DEFB108B: variants seen among roughly 807,000 people sequenced by gnomAD.
DEFB108B encodes the protein defensin beta 108B, also known as beta-defensin 108B.
In DEFB108B, 3 loss-of-function variants were observed where a neutral mutation model predicts 2.4. The ratio of observed to expected loss-of-function variants is 1.25; its 90% CI spans 0.57 to 3.24. DEFB108B has a LOEUF of 3.24. Among genes scored for constraint, DEFB108B ranks in the 30% most tolerant of loss-of-function variants. The pLI is 0.03. For synonymous variants in DEFB108B, 25 were observed against 28.7 expected, an observed-to-expected ratio of 0.87 and a Z score of 0.41; for missense variants, 101 against 87.8, an observed-to-expected ratio of 1.15 and a Z score of -0.60.
chr11:71,834,473 A>C (rs1952202153), intron 1 of DEFB108B, among the ~76,000 whole-genome samples: 1 of 152,234 alleles, frequency 6.6e-6, no homozygotes, highest in Non-Finnish European at 1.5e-5. Context: ...TTGGATAAAC[A>C]AATTTTTTTT....
At chr11:71,833,353 G>A in intron 1 of DEFB108B, 96 bp downstream of exon 1, 2 of 1,540,044 alleles carry the variant, frequency 1.3e-6, no homozygotes. Flanking sequence ...CAGAAAAGGG[G>A]GTCTCATAGG....
At chr11:71,836,910 AC>A (rs973703401) in intron 1 of DEFB108B, 1 of 152,054 alleles carries the variant, frequency 6.6e-6, no homozygotes, top group Admixed American at 6.6e-5. Context: ...TTTGAAAGAT[AC>A]ATCTATTATA....
intron 1 of DEFB108B, among the ~76,000 whole-genome samples, chr11:71,836,129 A>G (rs1480949717): frequency 6.6e-6 from 1 of 152,190 alleles, no homozygotes; most frequent in African/African-American, 2.4e-5. Context: ...CTACTTACAG[A>G]TAAAAGGAAG....
chr11:71,835,984 A>T (rs1259368117), intron 1 of DEFB108B, among the ~76,000 whole-genome samples: 1 of 152,174 alleles, frequency 6.6e-6, no homozygotes, highest in Non-Finnish European at 1.5e-5. Flanking sequence ...TTCAAGAGTG[A>T]TTTATCACAT....
chr11:71,837,628 T>C lies in DEFB108B; in HGVS notation c.*66T>C. The C allele has an allele frequency of 6.5e-7, 1 of 1,537,812 alleles. No homozygotes were observed. The highest frequency in any genetic ancestry group is 8.7e-7 in the Non-Finnish European group (1 of 1,144,200). On this transcript the variant is annotated 3_prime_UTR_variant, in exon 2 of 2. Coordinates refer to ENST00000328698, the MANE Select transcript of DEFB108B (RefSeq NM_001002035.2). Reference sequence around the variant, plus strand: ...CTCTCCCTCTCTCTGTCTCCCTGTCTCCCTTTCCCTCTCTCCATTTTTCTC... The same window carrying C: ...CTCTCCCTCTCTCTGTCTCCCTGTCCCCCTTTCCCTCTCTCCATTTTTCTC...
chr11:71,834,759 A>T (rs922250196), intron 1 of DEFB108B: 2 of 152,232 alleles, frequency 1.3e-5, no homozygotes, highest in Non-Finnish European at 2.9e-5. Flanking sequence ...GGCTCAGAAT[A>T]CCAAGCCTTA....
intron 1 of DEFB108B, among the ~76,000 whole-genome samples, chr11:71,836,092 T>C (rs1415330014): frequency 5.3e-5 from 8 of 152,192 alleles, no homozygotes; most frequent in Non-Finnish European, 1.2e-4. Flanking sequence ...GCCAGTGGGC[T>C]TGGGTACTAC....
In DEFB108B at chr11:71,833,248, G is replaced by A; in HGVS notation, c.49G>A (p.Val17Ile). The change falls in exon 1 of 2, where the codon GTT becomes ATT. Residue 17 changes from valine to isoleucine, a missense_variant. Transcript: ENST00000328698. Reference sequence around the variant, plus strand: ...CGCCATTTTCTTCTTTATGAGCCAAGTTCTACCAGGTAACAAAATAAACTT... The same window carrying A: ...CGCCATTTTCTTCTTTATGAGCCAAATTCTACCAGGTAACAAAATAAACTT... ...LFAIFFFMSQ[V>I]LPARGKFKEI... 6.3e-7 allele frequency: 1 copy of A among 1,581,352 alleles called. No homozygotes were observed. Among genetic ancestry groups the A allele is most frequent in the Non-Finnish European group, 8.7e-7 (1 of 1,154,994 alleles).
At chr11:71,835,433 C>T (rs1297254722) in intron 1 of DEFB108B, among the ~76,000 whole-genome samples, 1 of 152,180 alleles carries the variant, frequency 6.6e-6, no homozygotes, top group Non-Finnish European at 1.5e-5. Context: ...CTTTTTATGG[C>T]TGCATAGTAT....
At chr11:71,837,253 T>G in intron 1 of DEFB108B, 146 bp from the exon 2 acceptor site, 1 of 1,090,590 alleles carries the variant, frequency 9.2e-7, no homozygotes, top group South Asian at 1.6e-5. Context: ...TTTTAAGTGT[T>G]TAAGAAATCA....
intron 1 of DEFB108B, chr11:71,836,886 A>C (rs2121257172): frequency 6.6e-6 from 1 of 152,318 alleles, no homozygotes; most frequent in East Asian, 1.9e-4. Context: ...TTAGGTCTAT[A>C]TTTCAGTTCT....
intron 1 of DEFB108B, among the ~76,000 whole-genome samples, chr11:71,833,480 A>G (rs1952193832): frequency 1.3e-5 from 2 of 152,196 alleles, no homozygotes; most frequent in Admixed American, 6.5e-5. Flanking sequence ...CTCTTATTCC[A>G]TCTCCAAATT....
intron 1 of DEFB108B, among the ~76,000 whole-genome samples, chr11:71,835,532 C>T (rs1339352322): frequency 1.3e-5 from 2 of 152,136 alleles, no homozygotes; most frequent in Non-Finnish European, 2.9e-5. Context: ...ACTGTGAATA[C>T]CACTGTGATG....
intron 1 of DEFB108B, among the ~76,000 whole-genome samples, chr11:71,836,342 C>G (rs1297011218): frequency 3.3e-5 from 5 of 152,062 alleles, no homozygotes; most frequent in Admixed American, 1.3e-4. Context: ...TAAATGGAAC[C>G]TAATGCATTT....
At chr11:71,833,949 T>C (rs1952197895) in intron 1 of DEFB108B, among the ~76,000 whole-genome samples, 1 of 152,212 alleles carries the variant, frequency 6.6e-6, no homozygotes, top group Non-Finnish European at 1.5e-5. Flanking sequence ...CTAGGACTTC[T>C]TGGATTTGCC....
intron 1 of DEFB108B, 180 bp from the exon 2 acceptor site, chr11:71,837,219 C>G: frequency 1.2e-6 from 1 of 834,568 alleles, no homozygotes; most frequent in Non-Finnish European, 1.9e-6. Context: ...ACCAAAAAAT[C>G]CAAATCTTTG....
chr11:71,837,284 A>G, intron 1 of DEFB108B, 115 bp from the exon 2 acceptor site: 1 of 1,316,158 alleles, frequency 7.6e-7, no homozygotes, highest in Non-Finnish European at 1.1e-6. Context: ...ACACACACAC[A>G]CACACACAAA....
At chr11:71,837,330 A>G (rs7120525) in intron 1 of DEFB108B, 69 bp from the exon 2 acceptor site, 105,361 of 1,572,144 alleles carry the variant, frequency 0.067, 5,441 homozygotes, top group African/African-American at 0.28. Flanking sequence ...TGCCCCCTAC[A>G]TCCATGTAAT....
Position 71,837,424 on chromosome 11 carries a change from T to C in DEFB108B, c.84T>C (p.Cys28=). 1.2e-6 allele frequency: 2 copies of C among 1,611,910 alleles called. No homozygotes were observed. Among genetic ancestry groups the C allele is most frequent in the Non-Finnish European group, 1.7e-6 (2 of 1,179,794 alleles). Residue 28 remains cysteine, a synonymous_variant, in exon 2 of 2, where the codon TGT becomes TGC. Transcript: ENST00000328698. ...LPARGKFKEI[C]ERPNGSCRDF... ...CCAGGGGCAAATTCAAGGAGATCTGTGAACGTCCAAATGGCTCCTGTCGGG... is the reference window on the plus strand; with the variant it reads ...CCAGGGGCAAATTCAAGGAGATCTGCGAACGTCCAAATGGCTCCTGTCGGG...
Sources: allele counts gnomAD v4.1 joint callset (sites outside exome capture counted in the v4.1 genomes callset), GRCh38; gene constraint gnomAD v4.1.1; transcripts MANE v1.5; gene names NCBI Gene and HGNC (gene_info 2026-07-23, HGNC 2026-07-21).